The following BCAS3 variants were observed in gnomAD, a reference collection of about 807,000 sequenced individuals.
The protein encoded by BCAS3 is BCAS4/BCAS3 fusion.
BCAS3 carries 53 observed loss-of-function variants against 116.1 expected under a neutral mutation model. The observed-to-expected ratio is 0.46, with a 90% CI of 0.37 to 0.57. The LOEUF is 0.57. Ranked by LOEUF, BCAS3 falls within the 20% of genes least tolerant of loss-of-function variation. The pLI is 0.00. For missense variants in BCAS3, 917 were observed against 1,165.4 expected, an observed-to-expected ratio of 0.79 and a Z score of 3.10; for synonymous variants, 391 against 408.2, an observed-to-expected ratio of 0.96 and a Z score of 0.51.
chr17:60,902,416 C>G (rs966792949), intron 10 of BCAS3, among the ~76,000 whole-genome samples: 20 of 152,186 alleles, frequency 1.3e-4, no homozygotes, highest in African/African-American at 3.6e-4. Context: ...GAGCATGAAA[C>G]TGCCTGAGTG....
intron 13 of BCAS3, among the ~76,000 whole-genome samples, chr17:60,929,938 A>G (rs1207071456): frequency 2.0e-5 from 3 of 151,820 alleles, no homozygotes; most frequent in African/African-American, 7.3e-5. Flanking sequence ...CATGGTGTAT[A>G]TGTGCCACAT....
intron 12 of BCAS3, among the ~76,000 whole-genome samples, chr17:60,912,525 A>G (rs2058569611): frequency 6.6e-6 from 1 of 152,060 alleles, no homozygotes; most frequent in South Asian, 2.1e-4. Flanking sequence ...TGGCTCTTGT[A>G]TTTTACTTGA....
chr17:61,046,033 ATTT>A (rs2068220654), intron 19 of BCAS3, among the ~76,000 whole-genome samples: 1 of 12,148 alleles, frequency 8.2e-5, no homozygotes, highest in Non-Finnish European at 1.2e-4. Flanking sequence ...TTATATATAT[ATTT>A]ATATATATAT....
In BCAS3 at chr17:61,073,280, A is replaced by G. The variant is rs145608523; in HGVS notation, c.2030-1640A>G. ...CTATGATTTTGAAGAACTAGCAGCT[A>G]AAAGTTTTGATTACTGCAGATCTTA... is the stretch of plus-strand genomic sequence containing the variant. On this transcript the variant is annotated intron_variant, in intron 19 of 23. Transcript: ENST00000407086. This position sits in a 1 kb window ranked among gnomAD's most constrained non-coding sequence, Gnocchi z 4.6. Among the ~76,000 whole-genome samples the G allele has an allele frequency of 6.6e-6, 1 of 152,344 alleles. No individual in the cohort carries two copies. Among genetic ancestry groups the G allele is most frequent in the African/African-American group, 2.4e-5 (1 of 41,590 alleles).
In BCAS3 at chr17:61,333,879, C is replaced by G. The variant is rs1219496110; in HGVS notation, c.2426-34448C>G. Among the ~76,000 whole-genome samples the G allele has an allele frequency of 6.6e-6, 1 of 152,182 alleles. No individual in the cohort carries two copies. Among genetic ancestry groups the G allele is most frequent in the Non-Finnish European group, 1.5e-5 (1 of 68,042 alleles). On this transcript the variant is annotated intron_variant, in intron 22 of 23. Coordinates refer to ENST00000407086, the MANE Select transcript of BCAS3 (RefSeq NM_017679.5). The surrounding 1 kb of genome is among the most constrained non-coding windows in gnomAD (Gnocchi z 4.8). ...AAGTGATCCGCCCATCTCGGCCTCC[C>G]AAAGTGCTGGGATTACAGGCATGAG... is the stretch of plus-strand genomic sequence containing the variant.
intron 6 of BCAS3, among the ~76,000 whole-genome samples, chr17:60,790,336 A>G (rs1406596571): frequency 6.6e-6 from 1 of 152,220 alleles, no homozygotes; most frequent in Non-Finnish European, 1.5e-5. Context: ...ATTGATATGC[A>G]TAATACAGGT....
intron 12 of BCAS3, among the ~76,000 whole-genome samples, chr17:60,915,053 G>A (rs1361817523): frequency 6.6e-6 from 1 of 152,124 alleles, no homozygotes; most frequent in Non-Finnish European, 1.5e-5. Flanking sequence ...AATTAAAACT[G>A]AGATACCATG....
At chr17:60,754,948 T>C (rs1283928901) in intron 6 of BCAS3, among the ~76,000 whole-genome samples, 4 of 152,220 alleles carry the variant, frequency 2.6e-5, no homozygotes, top group Non-Finnish European at 4.4e-5. Context: ...TAACACCTAG[T>C]CTTTATTATT....
rs371764098 is a variant in BCAS3, at chr17:61,108,715, G to A, written c.2425+24151G>A. The stretch of plus-strand genomic sequence containing the variant: ...GATTTTTGGTGCACCCATCACCCGA[G>A]CAGTGTACACTGTATCCAATGTGTC... On this transcript the variant is annotated intron_variant, in intron 22 of 23. Transcript: ENST00000407086. Among the ~76,000 whole-genome samples, 12 of 151,384 alleles carry A rather than the reference G, an allele frequency of 7.9e-5. No homozygotes were observed. In the South Asian group the frequency reaches 1.1e-3, roughly 13 times the overall value.
At chr17:61,221,189 C>T (rs939071863) in intron 22 of BCAS3, among the ~76,000 whole-genome samples, 4 of 152,222 alleles carry the variant, frequency 2.6e-5, no homozygotes, top group Non-Finnish European at 4.4e-5. Flanking sequence ...TTCTCTACAT[C>T]ACTTTCCCTT....
At chr17:61,369,094 G>A (rs1290922860) in intron 23 of BCAS3, among the ~76,000 whole-genome samples, 6 of 152,150 alleles carry the variant, frequency 3.9e-5, no homozygotes, top group South Asian at 2.1e-4. Context: ...GCGCACACAC[G>A]CAAACACACA....
intron 7 of BCAS3, among the ~76,000 whole-genome samples, chr17:60,814,380 A>G (rs1043153300): frequency 6.6e-6 from 1 of 151,690 alleles, no homozygotes; most frequent in African/African-American, 2.4e-5. Context: ...GTATATAGAA[A>G]TGTTACTGAT....
At chr17:60,997,266 G>C (rs745932446) in intron 15 of BCAS3, among the ~76,000 whole-genome samples, 1 of 152,172 alleles carries the variant, frequency 6.6e-6, no homozygotes, top group Non-Finnish European at 1.5e-5. Context: ...ACCGGTACCA[G>C]TCCACCACCT....
chr17:61,131,768 T>A lies in BCAS3; in HGVS notation c.2425+47204T>A, dbSNP rs192758381. On this transcript the variant is annotated intron_variant, in intron 22 of 23. Transcript: ENST00000407086. This position sits in a 1 kb window ranked among gnomAD's most constrained non-coding sequence, Gnocchi z 4.4. ...CTTAGGGGCTGAGCAGAAACACTCA[T>A]GAAGGAGCCCTGATTAAAAAGAGTG... is the stretch of plus-strand genomic sequence containing the variant. Among the ~76,000 whole-genome samples the A allele has an allele frequency of 3.6e-4, 55 of 152,312 alleles. No individual in the cohort carries two copies. The East Asian group carries it at 9.8e-3, about 27-fold the overall frequency.
rs1313403151 is a variant in BCAS3, at chr17:61,104,821, C to G, written c.2425+20257C>G. 6.6e-6 allele frequency among the ~76,000 whole-genome samples: 1 copy of G among 152,210 alleles called. No homozygotes were observed. The highest frequency in any genetic ancestry group is 2.4e-5 in the African/African-American group (1 of 41,460). ...TTGCCCAGCCCTGGAGCAGAACATT[C>G]TTAAAAGTAAGCCCAGTAAACCTAA... On this transcript the variant is annotated intron_variant, in intron 22 of 23. Transcript: ENST00000407086. This position sits in a 1 kb window ranked among gnomAD's most constrained non-coding sequence, Gnocchi z 4.1.
At chr17:60,753,666 C>A (rs1057015576) in intron 6 of BCAS3, among the ~76,000 whole-genome samples, 2 of 152,098 alleles carry the variant, frequency 1.3e-5, no homozygotes, top group Non-Finnish European at 2.9e-5. Context: ...GCCTCGGCCT[C>A]CCAAAGTGCT....
intron 19 of BCAS3, among the ~76,000 whole-genome samples, chr17:61,071,910 G>A (rs559086183): frequency 3.3e-5 from 5 of 152,220 alleles, no homozygotes; most frequent in African/African-American, 1.2e-4. Flanking sequence ...TGATGTTTGT[G>A]CTTTTACCCA....
intron 10 of BCAS3, among the ~76,000 whole-genome samples, chr17:60,890,817 G>A (rs2057092388): frequency 6.6e-6 from 1 of 152,134 alleles, no homozygotes; most frequent in Non-Finnish European, 1.5e-5. Context: ...TGTATCTTGA[G>A]ATTAATATGA....
At chr17:60,737,141 T>C (rs1419693753) in intron 5 of BCAS3, among the ~76,000 whole-genome samples, 1 of 152,184 alleles carries the variant, frequency 6.6e-6, no homozygotes, top group Non-Finnish European at 1.5e-5. Context: ...TGTTTCGCCA[T>C]GTTGGCCAGG....
Sources: allele counts gnomAD v4.1 joint callset (sites outside exome capture counted in the v4.1 genomes callset), GRCh38; gene constraint gnomAD v4.1.1; non-coding constraint Gnocchi (gnomAD v3.1); transcripts MANE v1.5; gene names NCBI Gene and HGNC (gene_info 2026-07-23, HGNC 2026-07-21).